The following THRB variants were observed in gnomAD, a reference collection of about 807,000 sequenced individuals.
THRB encodes the protein nuclear receptor subfamily 1 group A member 2.
Under a neutral mutation model 47.8 loss-of-function variants are expected in THRB, and 12 were observed. The observed-to-expected ratio is 0.25, with a 90% CI of 0.16 to 0.41. THRB has a LOEUF of 0.41. Among genes scored for constraint, THRB ranks in the 10% least tolerant of loss-of-function variants. The pLI, the probability that THRB is intolerant of heterozygous loss-of-function variation, is 1.00. For missense variants in THRB, 348 were observed against 589.2 expected (o/e 0.59, Z 4.24); for synonymous variants, 218 against 212.2 (o/e 1.03, Z -0.24).
chr3:24,356,443 T>G (rs955671736), intron 1 of THRB, among the ~76,000 whole-genome samples: 1 of 152,158 alleles, frequency 6.6e-6, no homozygotes, highest in Non-Finnish European at 1.5e-5. Flanking sequence ...CACAGCCAAA[T>G]AGTTCTATGG....
chr3:24,294,567 T>A (rs969672154), intron 3 of THRB, among the ~76,000 whole-genome samples: 1 of 152,240 alleles, frequency 6.6e-6, no homozygotes, highest in Non-Finnish European at 1.5e-5. Context: ...GACAAGACAC[T>A]GCTTCTCTTT....
At chr3:24,475,748 T>A (rs1283286409) in intron 1 of THRB, among the ~76,000 whole-genome samples, 1 of 152,222 alleles carries the variant, frequency 6.6e-6, no homozygotes, top group East Asian at 1.9e-4. Flanking sequence ...CCAAAACACA[T>A]CATCCTTAAA....
chr3:24,434,736 G>A (rs1046217847), intron 1 of THRB, among the ~76,000 whole-genome samples: 45 of 152,132 alleles, frequency 3.0e-4, no homozygotes, highest in African/African-American at 1.0e-3. Flanking sequence ...ACTAGCTGGA[G>A]AAAACAAGAA....
At chr3:24,341,825 T>C (rs1381628274) in intron 1 of THRB, among the ~76,000 whole-genome samples, 1 of 152,168 alleles carries the variant, frequency 6.6e-6, no homozygotes, top group African/African-American at 2.4e-5. Flanking sequence ...CAGCTTGTTA[T>C]GGATGAGAAA....
At chr3:24,302,954 C>T (rs1265592178) in intron 2 of THRB, among the ~76,000 whole-genome samples, 1 of 152,150 alleles carries the variant, frequency 6.6e-6, no homozygotes, top group Non-Finnish European at 1.5e-5. Context: ...AGTCCAACAG[C>T]CTTGTCAAAT....
chr3:24,472,411 G>A (rs560451837), intron 1 of THRB, among the ~76,000 whole-genome samples: 130 of 152,246 alleles, frequency 8.5e-4, no homozygotes, highest in African/African-American at 3.1e-3. Flanking sequence ...AGTAACTTCT[G>A]CAAGAATCCC....
intron 7 of THRB, chr3:24,143,978 T>A: frequency 2.0e-6 from 1 of 509,188 alleles, no homozygotes; most frequent in East Asian, 3.7e-5. Flanking sequence ...GCACTCCAAC[T>A]CCACAGAAGG....
At chr3:24,352,106 A>G (rs1299815105) in intron 1 of THRB, among the ~76,000 whole-genome samples, 1 of 152,134 alleles carries the variant, frequency 6.6e-6, no homozygotes, top group Non-Finnish European at 1.5e-5. Context: ...TTCTCAGGCC[A>G]TTGACATTTT....
intron 5 of THRB, among the ~76,000 whole-genome samples, chr3:24,162,686 C>CAAAAAAAAA: frequency 8.3e-6 from 1 of 120,642 alleles, no homozygotes; most frequent in Non-Finnish European, 1.8e-5. Flanking sequence ...GCTATGAATG[C>CAAAAAAAAA]AAAAAAAAAA....
chr3:24,247,562 G>A (rs753613081), intron 3 of THRB, among the ~76,000 whole-genome samples: 1 of 152,162 alleles, frequency 6.6e-6, no homozygotes, highest in Non-Finnish European at 1.5e-5. Flanking sequence ...AAACTTGACT[G>A]CATCTTGCAA....
At chr3:24,249,485 C>T (rs1161429951) in intron 3 of THRB, among the ~76,000 whole-genome samples, 1 of 152,070 alleles carries the variant, frequency 6.6e-6, no homozygotes, top group African/African-American at 2.4e-5. Context: ...CTTGCCACAT[C>T]ACAAGAAAAC....
intron 3 of THRB, among the ~76,000 whole-genome samples, chr3:24,256,220 G>T (rs181822976): frequency 6.6e-6 from 1 of 152,284 alleles, no homozygotes; most frequent in East Asian, 1.9e-4. Flanking sequence ...ATGAGGTCTA[G>T]AAAATGGTCA....
At chr3:24,332,679 T>G (rs963725099) in intron 2 of THRB, among the ~76,000 whole-genome samples, 9 of 152,212 alleles carry the variant, frequency 5.9e-5, no homozygotes, top group Non-Finnish European at 1.3e-4. Flanking sequence ...GGGTGTTTGT[T>G]ATTTTTCTTT....
chr3:24,417,095 AACACACACACACACACACACACACACAC>A (rs67541584), intron 1 of THRB, among the ~76,000 whole-genome samples: 2 of 135,578 alleles, frequency 1.5e-5, no homozygotes, highest in Non-Finnish European at 3.3e-5. Context: ...ATTTTAAACC[AACACACACACACACACACACACACACAC>A]ACACACACAC....
chr3:24,460,128 T>C (rs59719690), intron 1 of THRB, among the ~76,000 whole-genome samples: 45,357 of 152,092 alleles, frequency 0.3, 6,905 homozygotes, highest in East Asian at 0.36. Context: ...TTTAGCACAT[T>C]TTCTAAATGG....
intron 8 of THRB, among the ~76,000 whole-genome samples, chr3:24,140,533 G>T (rs2035296717): frequency 6.6e-6 from 1 of 151,924 alleles, no homozygotes; most frequent in Non-Finnish European, 1.5e-5. Context: ...CTCACTGCCT[G>T]GTGGTCTCAG....
intron 1 of THRB, among the ~76,000 whole-genome samples, chr3:24,352,524 T>A (rs1370300336): frequency 6.6e-6 from 1 of 152,168 alleles, no homozygotes; most frequent in Non-Finnish European, 1.5e-5. Context: ...AGATTTGCCT[T>A]CACAGATGTC....
At chr3:24,448,193 C>T (rs964234258) in intron 1 of THRB, among the ~76,000 whole-genome samples, 1 of 152,002 alleles carries the variant, frequency 6.6e-6, no homozygotes, top group African/African-American at 2.4e-5. Flanking sequence ...CTTGAGTTCT[C>T]TTGGTTTTCA....
At chr3:24,204,963 A>G (rs1044509076) in intron 4 of THRB, among the ~76,000 whole-genome samples, 2 of 152,220 alleles carry the variant, frequency 1.3e-5, no homozygotes, top group African/African-American at 4.8e-5. Flanking sequence ...AAAAAGAGTA[A>G]AAAGAAACGA....
Sources: allele counts gnomAD v4.1 joint callset (sites outside exome capture counted in the v4.1 genomes callset), GRCh38; gene constraint gnomAD v4.1.1; transcripts MANE v1.5; gene names NCBI Gene and HGNC (gene_info 2026-07-23, HGNC 2026-07-21).